The following KIF2A variants were observed in gnomAD, a reference collection of about 807,000 sequenced individuals.
The protein encoded by KIF2A is kinesin-like protein KIF2A.
Under a neutral mutation model 100.2 loss-of-function variants are expected in KIF2A, and 22 were observed. The ratio of observed to expected loss-of-function variants is 0.22; its 90% CI spans 0.16 to 0.31. The LOEUF is 0.31. Among genes scored for constraint, KIF2A ranks in the 10% least tolerant of loss-of-function variants. The pLI is 1.00. For synonymous variants in KIF2A, 268 were observed against 285.9 expected (o/e 0.94, Z 0.63); for missense variants, 495 against 898.7 (o/e 0.55, Z 5.74).
At chr5:62,316,568 A>G (rs1001392916) in intron 1 of KIF2A, among the ~76,000 whole-genome samples, 1 of 152,230 alleles carries the variant, frequency 6.6e-6, no homozygotes, top group Non-Finnish European at 1.5e-5. Flanking sequence ...TCTGTATGAT[A>G]CTATAAAGGT....
chr5:62,348,350 A>G lies in KIF2A; in HGVS notation c.279+183A>G, dbSNP rs146893123. ...AAGGATTGAGGTTGTCTAATTCACA[A>G]TTATGACCATCGTTGGATAAGGTCT... On this transcript the variant is annotated intron_variant, in intron 3 of 20. Coordinates refer to ENST00000407818, the MANE Select transcript of KIF2A (RefSeq NM_001098511.3). Among the ~76,000 whole-genome samples, 97 of 152,314 alleles carry G rather than the reference A, an allele frequency of 6.4e-4. 1 individual carries two copies. The East Asian group carries it at 0.012, about 19-fold the overall frequency.
intron 9 of KIF2A, among the ~76,000 whole-genome samples, chr5:62,360,779 A>G (rs896518824): frequency 6.6e-6 from 1 of 152,206 alleles, no homozygotes; most frequent in Admixed American, 6.5e-5. Context: ...ATTTTCCTAC[A>G]AGCACAATTT....
At chr5:62,363,663 A>C in intron 13 of KIF2A, 32 bp from the exon 14 acceptor site, 1 of 1,566,704 alleles carries the variant, frequency 6.4e-7, no homozygotes. Flanking sequence ...TGAAGTTTTT[A>C]ATGTATCAAG....
At chr5:62,331,952 A>C (rs145935869) in intron 1 of KIF2A, among the ~76,000 whole-genome samples, 1 of 152,184 alleles carries the variant, frequency 6.6e-6, no homozygotes, top group East Asian at 1.9e-4. Context: ...ACTTTTAAAT[A>C]CTTGTAATGA....
chr5:62,312,542 T>G (rs1745605454), intron 1 of KIF2A, among the ~76,000 whole-genome samples: 1 of 152,244 alleles, frequency 6.6e-6, no homozygotes. Context: ...GTTTATTTGT[T>G]TGTTTGTTTT....
At chr5:62,358,108 T>G (rs1272949464) in intron 8 of KIF2A, 29 bp from the exon 9 acceptor site, 2 of 1,479,444 alleles carry the variant, frequency 1.4e-6, no homozygotes, top group African/African-American at 2.8e-5. Context: ...TGAAAATTAT[T>G]GGGCATTGAT....
chr5:62,319,734 G>A lies in KIF2A; in HGVS notation c.64+13198G>A, dbSNP rs566404870. 1.5e-3 allele frequency among the ~76,000 whole-genome samples: 223 copies of A among 152,282 alleles called. 2 individuals are homozygous for A. Among genetic ancestry groups the A allele is most frequent in the African/African-American group, 5.3e-3 (219 of 41,548 alleles). ...TTTTGACATTCTAAAAAATTGACTT[G>A]TGTTGTTCATCCTCCAGGCATCAAG... is the stretch of plus-strand genomic sequence containing the variant. On this transcript the variant is annotated intron_variant, in intron 1 of 20. Coordinates refer to ENST00000407818, the MANE Select transcript of KIF2A (RefSeq NM_001098511.3).
chr5:62,321,945 G>A (rs1165416585), intron 1 of KIF2A, among the ~76,000 whole-genome samples: 1 of 151,836 alleles, frequency 6.6e-6, no homozygotes, highest in Non-Finnish European at 1.5e-5. Flanking sequence ...TTTTGAGACA[G>A]CGTCTCACTC....
intron 16 of KIF2A, among the ~76,000 whole-genome samples, chr5:62,369,415 A>G (rs6881251): frequency 0.022 from 3,290 of 152,272 alleles, 126 homozygotes; most frequent in African/African-American, 0.075. Flanking sequence ...CTATAAAACC[A>G]TTAGATCTTG....
In KIF2A at chr5:62,358,130, C is replaced by G; in HGVS notation, c.710-7C>G. ...TATTGGGCATTGATTTTCATTTATT[C>G]TTTTAGAAACTCAAATGAAAGATCT... On this transcript the variant is annotated splice_polypyrimidine_tract_variant and splice_region_variant and intron_variant, in intron 8 of 20. Transcript: ENST00000407818. 1 of 1,534,758 alleles carries G rather than the reference C, an allele frequency of 6.5e-7. No homozygotes were observed.
rs1016417046 is a variant in KIF2A, at chr5:62,387,252, G to A, written c.*1683G>A. On this transcript the variant is annotated 3_prime_UTR_variant, in exon 21 of 21. Coordinates refer to ENST00000407818, the MANE Select transcript of KIF2A (RefSeq NM_001098511.3). ...GACTCAGGTTTTCTTGCAGCTGTAA[G>A]ATATATTCTATTTGTGTTTATTTCA... is the stretch of plus-strand genomic sequence containing the variant. 2 of 152,128 alleles carry A rather than the reference G, an allele frequency of 1.3e-5. No homozygotes were observed. The highest frequency in any genetic ancestry group is 1.5e-5 in the Non-Finnish European group (1 of 68,022). The allele number at this position is 152,128 out of a possible 1,614,324, so 9.4% of individuals were successfully genotyped here. A position where few individuals can be genotyped will look rare whatever the true frequency, so the allele number is the denominator to read the frequency against.
chr5:62,324,329 A>G (rs1019230281), intron 1 of KIF2A, among the ~76,000 whole-genome samples: 1 of 152,234 alleles, frequency 6.6e-6, no homozygotes, highest in African/African-American at 2.4e-5. Context: ...CAAACTACCA[A>G]TGATATTCTT....
chr5:62,332,228 A>T (rs1254857934), intron 1 of KIF2A, among the ~76,000 whole-genome samples: 1 of 152,218 alleles, frequency 6.6e-6, no homozygotes. Flanking sequence ...AATAGCACTA[A>T]TACCAGATCT....
At position 62,365,318 on chromosome 5, in the gene KIF2A, G is replaced by A. The variant is rs1205718714; in HGVS notation, c.1543G>A (p.Asp515Asn). ...RASKLTQVLRDSFIGENSRTC... is the reference protein window; with the variant it reads ...RASKLTQVLRNSFIGENSRTC... ...AAGTAAACTCACTCAGGTGTTAAGA[G>A]ATTCTTTCATAGGTGAAAACTCTCG... is the stretch of plus-strand genomic sequence containing the variant. The change falls in exon 15 of 21, where the codon GAT (aspartate) becomes AAT (asparagine). Residue 515 changes from aspartate (D) to asparagine (N), a missense_variant. Coordinates refer to ENST00000407818, the MANE Select transcript of KIF2A (RefSeq NM_001098511.3). The A allele has an allele frequency of 6.2e-7, 1 of 1,604,810 alleles. No homozygotes were observed. Among genetic ancestry groups the A allele is most frequent in the Non-Finnish European group, 8.5e-7 (1 of 1,173,980 alleles).
chr5:62,311,302 T>C (rs1745544069), intron 1 of KIF2A, among the ~76,000 whole-genome samples: 1 of 152,200 alleles, frequency 6.6e-6, no homozygotes, highest in South Asian at 2.1e-4. Flanking sequence ...AGGAAATTGC[T>C]TCTTACTTCG....
At position 62,373,675 on chromosome 5, in the gene KIF2A, A is replaced by G. The variant is rs773794363; in HGVS notation, c.1761-12A>G. 2 of 1,607,260 alleles carry G rather than the reference A, an allele frequency of 1.2e-6. No individual in the cohort carries two copies. The highest frequency in any genetic ancestry group is 2.2e-5 in the East Asian group (1 of 44,776). ...GTGTTTTTAACTTTAGATACCTCTTATGTATTTATAGGGTCAAAGAATTGA... is the reference window on the plus strand; with the variant it reads ...GTGTTTTTAACTTTAGATACCTCTTGTGTATTTATAGGGTCAAAGAATTGA... On this transcript the variant is annotated splice_polypyrimidine_tract_variant and intron_variant, in intron 17 of 20. Transcript: ENST00000407818.
intron 1 of KIF2A, among the ~76,000 whole-genome samples, chr5:62,325,513 TAC>T (rs1410081939): frequency 6.6e-6 from 1 of 151,570 alleles, no homozygotes; most frequent in Non-Finnish European, 1.5e-5. Flanking sequence ...AAAGAAGACA[TAC>T]ATGTGGCCAA....
intron 1 of KIF2A, among the ~76,000 whole-genome samples, chr5:62,334,710 A>G (rs1276746648): frequency 6.6e-6 from 1 of 152,114 alleles, no homozygotes; most frequent in Non-Finnish European, 1.5e-5. Flanking sequence ...CTACCCAAAC[A>G]GTTTTTGCCA....
At chr5:62,355,022 CTATA>C in intron 6 of KIF2A, 133 bp from the exon 7 acceptor site, 1 of 526,270 alleles carries the variant, frequency 1.9e-6, no homozygotes, top group Non-Finnish European at 3.4e-6. Flanking sequence ...AACTGTGAAA[CTATA>C]TAATATCGTC....
Sources: allele counts gnomAD v4.1 joint callset (sites outside exome capture counted in the v4.1 genomes callset), GRCh38; gene constraint gnomAD v4.1.1; transcripts MANE v1.5; gene names NCBI Gene and HGNC (gene_info 2026-07-23, HGNC 2026-07-21).